The following MAN1B1 variants were observed in gnomAD, a reference collection of about 807,000 sequenced individuals.
MAN1B1 encodes endoplasmic reticulum mannosyl-oligosaccharide 1,2-alpha-mannosidase.
Under a neutral mutation model 75.5 loss-of-function variants are expected in MAN1B1, and 66 were observed. The ratio of observed to expected loss-of-function variants is 0.87; its 90% confidence interval spans 0.72 to 1.07. MAN1B1 has a LOEUF of 1.07. Among genes scored for constraint, MAN1B1 ranks in the 50% least tolerant of loss-of-function variants. The pLI is 0.00. For synonymous variants in MAN1B1, 453 were observed against 382.8 expected, an observed-to-expected ratio of 1.18 and a Z score of -2.14; for missense variants, 973 against 912.5, an observed-to-expected ratio of 1.07 and a Z score of -0.85.
At chr9:137,092,877 G>A (rs189064952) in intron 3 of MAN1B1, among the ~76,000 whole-genome samples, 1 of 152,276 alleles carries the variant, frequency 6.6e-6, no homozygotes, top group East Asian at 1.9e-4. Context: ...GGCCCTATGT[G>A]CTCCCATCCC....
In MAN1B1 at chr9:137,107,599, AG is replaced by A. The variant is rs1831161396; in HGVS notation, c.1837del (p.Asp613ThrfsTer115). On this transcript the variant is annotated frameshift_variant, in exon 12 of 13. Coordinates refer to ENST00000371589, the MANE Select transcript of MAN1B1 (RefSeq NM_016219.5). LOFTEE classifies it high-confidence loss of function. The part of the protein sequence containing the change: ...ESLFYLYRVT[G>X]DRKYQDWGWE... ...GCCTGTTCTACCTGTACCGCGTCAC[AG>A]GGGACCGCAAATACCAGGACTGGGG... 6.2e-7 allele frequency: 1 copy of A among 1,611,872 alleles called. No individual in the cohort carries two copies. Among genetic ancestry groups the A allele is most frequent in the East Asian group, 2.2e-5 (1 of 44,874 alleles).
intron 6 of MAN1B1, among the ~76,000 whole-genome samples, chr9:137,100,528 T>G (rs1210288065): frequency 6.6e-6 from 1 of 152,156 alleles, no homozygotes; most frequent in African/African-American, 2.4e-5. Context: ...TTTGTTTTTG[T>G]TTTTTTGTTT....
chr9:137,096,650 A>G (rs1286198473), intron 4 of MAN1B1, among the ~76,000 whole-genome samples: 2 of 152,222 alleles, frequency 1.3e-5, no homozygotes, highest in African/African-American at 2.4e-5. Flanking sequence ...AAGGGTGCAC[A>G]GGTGCGTGGG....
intron 11 of MAN1B1, 37 bp from the exon 12 acceptor site, chr9:137,107,494 A>G (rs1385280689): frequency 6.2e-7 from 1 of 1,613,078 alleles, no homozygotes; most frequent in South Asian, 1.1e-5. Flanking sequence ...GGGTGCTGGC[A>G]GGGCTGGCCT....
chr9:137,107,083 G>A (rs1221377145), intron 10 of MAN1B1, 167 bp from the exon 11 acceptor site: 11 of 802,962 alleles, frequency 1.4e-5, no homozygotes, highest in South Asian at 1.3e-4. Flanking sequence ...GGGTTGGAGG[G>A]CCTGGTCCAG....
At chr9:137,105,653 G>A in intron 8 of MAN1B1, 1 of 334,616 alleles carries the variant, frequency 3.0e-6, no homozygotes, top group Non-Finnish European at 5.8e-6. Flanking sequence ...GGAGCTGAGG[G>A]TGGCTGTGAC....
chr9:137,102,753 C>T (rs1480474648), intron 8 of MAN1B1: 1 of 446,790 alleles, frequency 2.2e-6, no homozygotes, highest in African/African-American at 2.1e-5. Context: ...GGTGGTGTTA[C>T]ATTCACACTT....
At position 137,107,092 on chromosome 9, in the gene MAN1B1, A is replaced by C. The variant is rs972293989; in HGVS notation, c.1567-158A>C. The stretch of plus-strand genomic sequence containing the variant: ...GGGGCCGGGTTGGAGGGCCTGGTCC[A>C]GGCAGCTCCGCTGTTCCATGCCAAG... On this transcript the variant is annotated intron_variant, in intron 10 of 12. Transcript: ENST00000371589. 7.2e-6 allele frequency: 6 copies of C among 830,740 alleles called. No individual in the cohort carries two copies. The South Asian group carries it at 8.8e-5, about 12-fold the overall frequency. 51.5% of individuals were successfully genotyped at this position (830,740 alleles called of 1,614,324 possible).
At position 137,101,090 on chromosome 9, in the gene MAN1B1, C is replaced by T. The variant is rs1272661054; in HGVS notation, c.1002C>T (p.Arg334=). 1.2e-6 allele frequency: 2 copies of T among 1,614,172 alleles called. No individual in the cohort carries two copies. The highest frequency in any genetic ancestry group is 2.2e-5 in the South Asian group (2 of 91,082). ...VDVNLFESTI[R]ILGGLLSAYH... ...TCAACCTGTTTGAGAGCACGATCCG[C>T]ATCCTGGGGGGGCTCCTGAGTGCCT... Residue 334 remains arginine, a synonymous_variant, in exon 7 of 13, where the codon CGC becomes CGT. Coordinates refer to ENST00000371589, the MANE Select transcript of MAN1B1 (RefSeq NM_016219.5).
chr9:137,103,275 G>A (rs1483627382), intron 8 of MAN1B1: 8 of 434,894 alleles, frequency 1.8e-5, no homozygotes, highest in Non-Finnish European at 2.7e-5. Context: ...ACATGCTGTT[G>A]CAGGCGTGCA....
In MAN1B1 at chr9:137,107,647, C is replaced by T. The variant is rs886063731; in HGVS notation, c.1881C>T (p.Phe627=). The T allele has an allele frequency of 1.2e-6, 2 of 1,609,768 alleles. No homozygotes were observed. The highest frequency in any genetic ancestry group is 1.7e-6 in the Non-Finnish European group (2 of 1,179,950). ...QDWGWEILQS[F]SRFTRVPSGG... is the part of the protein sequence containing the mutation. ...GGGGCTGGGAGATTCTGCAGAGCTT[C>T]AGCCGATTCACACGGGTGAGCACCT... The change falls in exon 12 of 13, where the codon TTC becomes TTT. Residue 627 remains phenylalanine, a synonymous_variant. Coordinates refer to ENST00000371589, the MANE Select transcript of MAN1B1 (RefSeq NM_016219.5).
rs1830815799 is a variant in MAN1B1, at chr9:137,101,653, CAG to C, written c.1236_1237del (p.Asp414Ter). ...GAGTTCCGGGAGCTCTCCCGTCTCA[CAG>C]GGGATAAGAAGTTTCAGGTAAGGGG... On this transcript the variant is annotated frameshift_variant, in exon 8 of 13. Coordinates refer to ENST00000371589, the MANE Select transcript of MAN1B1 (RefSeq NM_016219.5). LOFTEE classifies it high-confidence loss of function. 1.9e-6 allele frequency: 3 copies of C among 1,612,786 alleles called. No individual in the cohort carries two copies. The highest frequency in any genetic ancestry group is 1.7e-5 in the Admixed American group (1 of 59,996).
Position 137,107,869 on chromosome 9 carries a change from G to C in MAN1B1, c.1896+207G>C, listed in dbSNP as rs762134604. 4.3e-6 allele frequency: 3 copies of C among 691,810 alleles called. No individual in the cohort carries two copies. The South Asian group carries it at 5.2e-5, about 12-fold the overall frequency. The allele number at this position is 691,810 out of a possible 1,614,324, so 42.9% of individuals were successfully genotyped here. ...CTGAGCTTCATGGTTGTGGGACCCA[G>C]AGTACTTGGAGGGGCTGGGCACCCC... On this transcript the variant is annotated intron_variant, in intron 12 of 12. Coordinates refer to ENST00000371589, the MANE Select transcript of MAN1B1 (RefSeq NM_016219.5).
At position 137,101,640 on chromosome 9, in the gene MAN1B1, C is replaced by T; in HGVS notation, c.1222C>T (p.Leu408Phe). Residue 408 changes from leucine (L) to phenylalanine (F), a missense_variant, in exon 8 of 13, where the codon CTC becomes TTC. Transcript: ENST00000371589. The stretch of plus-strand genomic sequence containing the variant: ...CAGCATTCAGCTGGAGTTCCGGGAG[C>T]TCTCCCGTCTCACAGGGGATAAGAA... ...VTSIQLEFRE[L>F]SRLTGDKKFQ... is the part of the protein sequence containing the mutation. 1 of 1,613,108 alleles carries T rather than the reference C, an allele frequency of 6.2e-7. No homozygotes were observed.
At chr9:137,100,479 T>G (rs1324792542) in intron 6 of MAN1B1, among the ~76,000 whole-genome samples, 1 of 152,224 alleles carries the variant, frequency 6.6e-6, no homozygotes, top group Non-Finnish European at 1.5e-5. Context: ...ATTGAAGCCC[T>G]GCAGGGGAAC....
chr9:137,103,522 G>A, intron 8 of MAN1B1: 1 of 452,306 alleles, frequency 2.2e-6, no homozygotes, highest in South Asian at 1.6e-5. Flanking sequence ...GTGCAGGCCG[G>A]TGGTGTTACA....
intron 8 of MAN1B1, chr9:137,102,550 AC>A: frequency 2.3e-5 from 5 of 220,662 alleles, no homozygotes; most frequent in Non-Finnish European, 5.4e-5. Context: ...CGGTGGTGTT[AC>A]ACACATTCAC....
intron 5 of MAN1B1, among the ~76,000 whole-genome samples, chr9:137,099,038 G>C (rs1032544843): frequency 1.3e-5 from 2 of 152,212 alleles, no homozygotes; most frequent in East Asian, 1.9e-4. Flanking sequence ...CGATGTTGGC[G>C]AGGCTGGTCT....
At chr9:137,102,843 C>CGTGG in intron 8 of MAN1B1, 1 of 410,982 alleles carries the variant, frequency 2.4e-6, no homozygotes, top group Non-Finnish European at 4.8e-6. Flanking sequence ...CACATTCACA[C>CGTGG]TGTTGCAGGC....
Sources: gnomAD v4.1 joint callset for allele counts (sites outside exome capture counted in the v4.1 genomes callset) on GRCh38, gnomAD v4.1.1 for gene constraint, MANE v1.5 for transcripts, NCBI Gene and HGNC (gene_info 2026-07-23, HGNC 2026-07-21) for gene names.